Variants in A2ML1 observed in about 807,000 individuals in gnomAD.
The protein encoded by A2ML1 is alpha-2-macroglobulin like 1.
Under a neutral mutation model 181.9 loss-of-function variants are expected in A2ML1, and 161 were observed. The ratio of observed to expected loss-of-function variants is 0.89; its 90% CI spans 0.78 to 1.01. The LOEUF is 1.01. Ranked by LOEUF, A2ML1 falls within the 50% of genes least tolerant of loss-of-function variation. A2ML1 has a pLI of 0.00. For missense variants in A2ML1, 1,670 were observed against 1,768.1 expected, an observed-to-expected ratio of 0.94 and a Z score of 1.00; for synonymous variants, 663 against 666.8, an observed-to-expected ratio of 0.99 and a Z score of 0.09.
At chr12:8,885,305 G>A (rs778304543) in intron 7 of A2ML1, among the ~76,000 whole-genome samples, 2 of 152,074 alleles carry the variant, frequency 1.3e-5, no homozygotes, top group Non-Finnish European at 2.9e-5. Flanking sequence ...TAGCACTTTG[G>A]GAGGTTGAGG....
intron 3 of A2ML1, 55 bp downstream of exon 3, chr12:8,823,937 G>T: frequency 1.3e-6 from 2 of 1,531,538 alleles, no homozygotes; most frequent in Non-Finnish European, 1.8e-6. Flanking sequence ...GCTGTGCACA[G>T]GGGTAAAGAG....
downstream of A2ML1, among the ~76,000 whole-genome samples, chr12:8,887,273 A>T (rs1944930506): frequency 6.6e-6 from 1 of 152,230 alleles, no homozygotes. Context: ...GTTATGCTAG[A>T]ATAGACATGA....
intron 33 of A2ML1, among the ~76,000 whole-genome samples, chr12:8,870,412 C>T (rs748771842): frequency 3.9e-5 from 6 of 152,210 alleles, no homozygotes; most frequent in Middle Eastern, 3.4e-3. Flanking sequence ...GGACCACATG[C>T]GCCCGCCACC....
At chr12:8,832,259 A>G (rs1363653511) in intron 4 of A2ML1, among the ~76,000 whole-genome samples, 1 of 152,106 alleles carries the variant, frequency 6.6e-6, no homozygotes, top group Non-Finnish European at 1.5e-5. Context: ...TCTGCAGAAC[A>G]TCTCAGGCGC....
At chr12:8,867,798 A>T in intron 29 of A2ML1, 44 bp from the exon 30 acceptor site, 1 of 1,563,928 alleles carries the variant, frequency 6.4e-7, no homozygotes, top group Non-Finnish European at 8.8e-7. Flanking sequence ...GTTAATTCCA[A>T]TGGCTCACAA....
chr12:8,863,845 C>G lies in A2ML1; in HGVS notation c.3554C>G (p.Pro1185Arg), dbSNP rs942636799. 4 of 1,614,218 alleles carry G rather than the reference C, an allele frequency of 2.5e-6. No individual in the cohort carries two copies. Among genetic ancestry groups the G allele is most frequent in the Non-Finnish European group, 3.4e-6 (4 of 1,180,022 alleles). ...CCTACTCCATCATCGAACGCCAGCC[C>G]TTGGTCTGAGCCTGCGGCTGTAGAT... ...QKPTPSSNAS[P>R]WSEPAAVDVE... The change falls in exon 29 of 36, where the codon CCT becomes CGT. Residue 1185 changes from proline (P) to arginine (R), a missense_variant. Coordinates refer to ENST00000299698, the MANE Select transcript of A2ML1 (RefSeq NM_144670.6).
At chr12:8,849,148 CAGG>C (rs926671866) in intron 16 of A2ML1, among the ~76,000 whole-genome samples, 7 of 152,094 alleles carry the variant, frequency 4.6e-5, no homozygotes, top group African/African-American at 1.7e-4. Context: ...TGAGATCAAT[CAGG>C]AGGGAAAATT....
At chr12:8,858,931 C>T (rs756402931) in intron 26 of A2ML1, among the ~76,000 whole-genome samples, 113 of 152,060 alleles carry the variant, frequency 7.4e-4, no homozygotes, top group African/African-American at 2.3e-3. Context: ...ATTCTAGGCA[C>T]GTGGTTTATT....
chr12:8,850,745 T>C (rs759077606), intron 18 of A2ML1, among the ~76,000 whole-genome samples: 1 of 152,294 alleles, frequency 6.6e-6, no homozygotes, highest in South Asian at 2.1e-4. Flanking sequence ...TCTTTTTTTC[T>C]TTTTATTTTT....
At chr12:8,875,048 T>C (rs1592164971) in intron 35 of A2ML1, 36 bp downstream of exon 35, 3 of 1,607,348 alleles carry the variant, frequency 1.9e-6, no homozygotes, top group Non-Finnish European at 2.6e-6. Context: ...AGTTATGGGT[T>C]AGGGTGGCAG....
At chr12:8,841,010 G>GGAAA (rs1943457449) in intron 10 of A2ML1, among the ~76,000 whole-genome samples, 1 of 80,462 alleles carries the variant, frequency 1.2e-5, no homozygotes, top group East Asian at 3.9e-4. Flanking sequence ...AAGGAAGGAA[G>GGAAA]GACGGAAGGA....
chr12:8,844,243 G>C (rs1220582698), intron 12 of A2ML1, among the ~76,000 whole-genome samples: 1 of 151,110 alleles, frequency 6.6e-6, no homozygotes, highest in Non-Finnish European at 1.5e-5. Flanking sequence ...AGAGTGGGGA[G>C]GGATGGGACT....
chr12:8,861,518 T>C (rs1565488120), intron 28 of A2ML1, among the ~76,000 whole-genome samples: 1 of 152,182 alleles, frequency 6.6e-6, no homozygotes, highest in South Asian at 2.1e-4. Flanking sequence ...GACGGAGTCT[T>C]GCTCTGTTGC....
intron 12 of A2ML1, chr12:8,845,168 A>G (rs758512938): frequency 6.6e-7 from 1 of 1,519,310 alleles, no homozygotes; most frequent in Admixed American, 2.1e-5. Flanking sequence ...GCAGACAGTT[A>G]TCTATGGTGA....
chr12:8,843,279 G>A lies in A2ML1; in HGVS notation c.1394G>A (p.Gly465Asp), dbSNP rs757576013. The change falls in exon 12 of 36, where the codon GGC becomes GAC. Residue 465 changes from glycine (G) to aspartate (D), a missense_variant. By Grantham distance (94) the Gly-to-Asp change is moderately conservative (BLOSUM62 -1). Transcript: ENST00000299698. ...IHRLNGPLKCGQPQEVLVDYY... is the reference protein window; with the variant it reads ...IHRLNGPLKCDQPQEVLVDYY... ...CGGCTAAACGGCCCCTTGAAATGTG[G>A]CCAGCCCCAGGAAGTGCTGGTGGAT... The A allele has an allele frequency of 3.2e-5, 52 of 1,614,186 alleles. No individual in the cohort carries two copies. The South Asian group carries it at 3.5e-4, about 11-fold the overall frequency.
intron 34 of A2ML1, 89 bp downstream of exon 34, chr12:8,874,616 T>C (rs1944742854): frequency 9.9e-7 from 1 of 1,005,688 alleles, no homozygotes; most frequent in Non-Finnish European, 1.5e-6. Flanking sequence ...TCTCTCTTAA[T>C]TTTACAAATA....
At position 8,840,946 on chromosome 12, in the gene A2ML1, AGAAGGAAGGAAG is replaced by A. The variant is rs1357677601; in HGVS notation, c.1081-415_1081-404del. Among the ~76,000 whole-genome samples the A allele has an allele frequency of 6.7e-5, 9 of 135,256 alleles. 1 individual carries two copies. Among genetic ancestry groups the A allele is most frequent in the African/African-American group, 2.5e-4 (9 of 36,620 alleles). 88.7% of individuals were successfully genotyped at this position (135,256 alleles called of 152,430 possible). A position where few individuals can be genotyped will look rare whatever the true frequency, so the allele number is the denominator to read the frequency against. Reference sequence around the variant, plus strand: ...AGAAAGGAAGGAAGAAAGGAAGGAAAGAAGGAAGGAAGGAAGGAAAGAAGGAAGGAAAGAAGG... The same window carrying A: ...AGAAAGGAAGGAAGAAAGGAAGGAAAGAAGGAAAGAAGGAAGGAAAGAAGG... On this transcript the variant is annotated intron_variant, in intron 10 of 35. Coordinates refer to ENST00000299698, the MANE Select transcript of A2ML1 (RefSeq NM_144670.6).
intron 32 of A2ML1, 93 bp downstream of exon 32, chr12:8,868,720 TACAC>T (rs35111062): frequency 6.6e-6 from 4 of 607,838 alleles, no homozygotes; most frequent in Non-Finnish European, 1.1e-5. Flanking sequence ...ATGGCGTGTA[TACAC>T]ACACACACAC....
intron 28 of A2ML1, among the ~76,000 whole-genome samples, chr12:8,862,160 G>A (rs139510129): frequency 0.012 from 1,774 of 152,226 alleles, 36 homozygotes; most frequent in African/African-American, 0.04. Context: ...CTTTGAAAGT[G>A]CTTTGATGTA....
Sources: gnomAD v4.1 joint callset for allele counts (sites outside exome capture counted in the v4.1 genomes callset) on GRCh38, gnomAD v4.1.1 for gene constraint, MANE v1.5 for transcripts, NCBI Gene and HGNC (gene_info 2026-07-23, HGNC 2026-07-21) for gene names.